The following GPHN variants were observed in gnomAD, a reference collection of about 807,000 sequenced individuals.
GPHN encodes the protein gephyrin.
GPHN carries 17 observed loss-of-function variants against 95.5 expected under a neutral mutation model. The observed-to-expected ratio is 0.18, with a 90% CI of 0.12 to 0.27. The LOEUF (loss-of-function observed/expected upper bound fraction) is 0.27. Among genes scored for constraint, GPHN ranks in the 10% least tolerant of loss-of-function variants. The pLI, the probability that GPHN is intolerant of heterozygous loss-of-function variation, is 1.00. For missense variants in GPHN, 660 were observed against 978.1 expected, an observed-to-expected ratio of 0.67 and a Z score of 4.34; for synonymous variants, 320 against 322.5, an observed-to-expected ratio of 0.99 and a Z score of 0.08.
At chr14:66,927,801 G>A (rs916615051) in intron 8 of GPHN, among the ~76,000 whole-genome samples, 5 of 152,060 alleles carry the variant, frequency 3.3e-5, no homozygotes, top group Middle Eastern at 3.2e-3. Flanking sequence ...GTGATCATAC[G>A]GTTTTTGTCA....
intron 4 of GPHN, among the ~76,000 whole-genome samples, chr14:66,877,935 G>A (rs2063744165): frequency 6.6e-6 from 1 of 152,122 alleles, no homozygotes; most frequent in Non-Finnish European, 1.5e-5. Context: ...TAAGCAAAAA[G>A]AACAAAGCTG....
intron 4 of GPHN, among the ~76,000 whole-genome samples, chr14:66,828,336 G>A (rs181412598): frequency 7.6e-4 from 115 of 151,930 alleles, no homozygotes; most frequent in African/African-American, 2.5e-3. Flanking sequence ...AATATCTAAC[G>A]TATAATATTG....
At chr14:67,438,092 C>A in the GPHN span, among the ~76,000 whole-genome samples, 1 of 152,138 alleles carries the variant, frequency 6.6e-6, no homozygotes, top group Non-Finnish European at 1.5e-5. Context: ...CTGTCACCCC[C>A]CTCCCAATCA....
At chr14:66,788,262 T>C (rs1390091453) in intron 3 of GPHN, among the ~76,000 whole-genome samples, 2 of 152,166 alleles carry the variant, frequency 1.3e-5, no homozygotes, top group Non-Finnish European at 2.9e-5. Context: ...TGAGCCAAAA[T>C]GGCACCACTG....
At chr14:67,225,986 CGT>C in the GPHN span, among the ~76,000 whole-genome samples, 1 of 149,312 alleles carries the variant, frequency 6.7e-6, no homozygotes, top group Non-Finnish European at 1.5e-5. Flanking sequence ...TGCGCATGCG[CGT>C]GCATGCTCAT....
chr14:66,844,387 A>G (rs1309045480), intron 4 of GPHN, among the ~76,000 whole-genome samples: 1 of 152,194 alleles, frequency 6.6e-6, no homozygotes, highest in East Asian at 1.9e-4. Flanking sequence ...GCTCAAATAC[A>G]AGAACCAAAG....
At chr14:66,753,043 A>C in intron 2 of GPHN, among the ~76,000 whole-genome samples, 1 of 152,112 alleles carries the variant, frequency 6.6e-6, no homozygotes, top group Non-Finnish European at 1.5e-5. Flanking sequence ...AAACGTGTTT[A>C]AATAATGAAA....
At chr14:67,382,748 C>A in the GPHN span, 4 of 738,298 alleles carry the variant, frequency 5.4e-6, no homozygotes, top group Non-Finnish European at 9.0e-6. Context: ...CCGTCCCCAG[C>A]CAGGGGGAAG....
chr14:67,290,183 C>G, the GPHN span, among the ~76,000 whole-genome samples: 1 of 152,040 alleles, frequency 6.6e-6, no homozygotes, highest in East Asian at 1.9e-4. Flanking sequence ...TAGGACTTTT[C>G]TTTTTGGAAG....
chr14:67,454,946 T>C, the GPHN span, among the ~76,000 whole-genome samples: 1 of 151,892 alleles, frequency 6.6e-6, no homozygotes, highest in African/African-American at 2.4e-5. Flanking sequence ...GCCTCCTGGG[T>C]TTGAGTGATT....
the GPHN span, among the ~76,000 whole-genome samples, chr14:67,693,221 G>A: frequency 2.6e-5 from 4 of 152,190 alleles, no homozygotes; most frequent in African/African-American, 9.7e-5. Flanking sequence ...GATGACAAAA[G>A]TTTTCTGCTT....
At chr14:67,204,758 C>G in the GPHN span, 1 of 1,613,566 alleles carries the variant, frequency 6.2e-7, no homozygotes, top group Non-Finnish European at 8.5e-7. Flanking sequence ...TCAGGAATTA[C>G]GAATAGCACA....
intron 1 of GPHN, among the ~76,000 whole-genome samples, chr14:66,592,344 A>C (rs71566507): frequency 0.013 from 2,015 of 152,244 alleles, 24 homozygotes; most frequent in Non-Finnish European, 0.018. Context: ...AGCAAAAGAA[A>C]CTATCATCAC....
chr14:67,648,261 T>C, the GPHN span: 1 of 1,492,948 alleles, frequency 6.7e-7, no homozygotes, highest in Non-Finnish European at 9.1e-7. Context: ...AAGGATCTTT[T>C]CTGCTATTCC....
the GPHN span, among the ~76,000 whole-genome samples, chr14:67,538,436 G>A: frequency 4.6e-5 from 7 of 152,274 alleles, no homozygotes; most frequent in East Asian, 3.9e-4. Flanking sequence ...CACATGCGTC[G>A]CAATGCTTTG....
At chr14:67,419,300 T>G in the GPHN span, among the ~76,000 whole-genome samples, 2 of 152,176 alleles carry the variant, frequency 1.3e-5, no homozygotes, top group African/African-American at 4.8e-5. Flanking sequence ...CATGGTGTTA[T>G]GCTCACCCCT....
At chr14:67,316,532 C>A in the GPHN span, among the ~76,000 whole-genome samples, 16 of 152,124 alleles carry the variant, frequency 1.1e-4, no homozygotes, top group African/African-American at 3.6e-4. Flanking sequence ...CAGGATAGTA[C>A]TTTTCCACAA....
chr14:66,981,530 T>C (rs1211929372), intron 9 of GPHN, among the ~76,000 whole-genome samples: 1 of 152,146 alleles, frequency 6.6e-6, no homozygotes, highest in Non-Finnish European at 1.5e-5. Flanking sequence ...TGCCCCAATA[T>C]ATACTGAGTG....
intron 11 of GPHN, among the ~76,000 whole-genome samples, chr14:67,068,828 T>C (rs1206431619): frequency 2.0e-5 from 3 of 152,172 alleles, no homozygotes; most frequent in Non-Finnish European, 4.4e-5. Flanking sequence ...AAGGCACATG[T>C]TCCCGTCTCT....
Sources: gnomAD v4.1 joint callset for allele counts (sites outside exome capture counted in the v4.1 genomes callset) on GRCh38, gnomAD v4.1.1 for gene constraint, MANE v1.5 for transcripts, NCBI Gene and HGNC (gene_info 2026-07-23, HGNC 2026-07-21) for gene names.